Variants in CNGB1 observed in about 807,000 individuals in gnomAD.
CNGB1 encodes cyclic nucleotide-gated channel beta-1.
CNGB1 carries 126 observed loss-of-function variants against 151.7 expected under a neutral mutation model. The observed-to-expected ratio is 0.83, with a 90% CI of 0.72 to 0.96. The LOEUF (loss-of-function observed/expected upper bound fraction) is 0.96, where lower values mean the gene tolerates loss of function less well. Among genes scored for constraint, CNGB1 ranks in the 40% least tolerant of loss-of-function variants. The pLI is 0.00. For missense variants in CNGB1, 1,698 were observed against 1,627.0 expected (o/e 1.04, Z -0.75); for synonymous variants, 623 against 635.1 (o/e 0.98, Z 0.29).
chr16:57,956,319 C>A (rs976365741), intron 12 of CNGB1, among the ~76,000 whole-genome samples: 1 of 152,170 alleles, frequency 6.6e-6, no homozygotes, highest in Non-Finnish European at 1.5e-5. Context: ...CCCAGGTTGG[C>A]CACGAGCTTC....
intron 12 of CNGB1, among the ~76,000 whole-genome samples, chr16:57,956,668 C>T (rs1962094816): frequency 6.6e-6 from 1 of 152,208 alleles, no homozygotes; most frequent in Non-Finnish European, 1.5e-5. Flanking sequence ...GAACTCTGCT[C>T]ACAACTAGAA....
chr16:57,942,875 A>C (rs913221115), intron 14 of CNGB1, among the ~76,000 whole-genome samples: 13 of 151,936 alleles, frequency 8.6e-5, no homozygotes, highest in Non-Finnish European at 1.8e-4. Flanking sequence ...AAAAAAAAAA[A>C]AACCCTACCC....
intron 17 of CNGB1, among the ~76,000 whole-genome samples, chr16:57,925,642 T>A (rs1042763280): frequency 3.3e-5 from 5 of 152,044 alleles, no homozygotes; most frequent in Admixed American, 2.0e-4. Context: ...GGAGCTGACT[T>A]CCAGAAAATA....
At chr16:57,946,826 C>T (rs1353271308) in intron 14 of CNGB1, among the ~76,000 whole-genome samples, 2 of 152,208 alleles carry the variant, frequency 1.3e-5, no homozygotes, top group Non-Finnish European at 2.9e-5. Context: ...CTCTGTCACT[C>T]CCTTGTCCCT....
chr16:57,903,984 G>C lies in CNGB1; in HGVS notation c.2635-3C>G, dbSNP rs1227967546. 4 of 1,613,088 alleles carry C rather than the reference G, an allele frequency of 2.5e-6. No homozygotes were observed. The highest frequency in any genetic ancestry group is 3.4e-6 in the Non-Finnish European group (4 of 1,179,534). On this transcript the variant is annotated splice_polypyrimidine_tract_variant and splice_region_variant and intron_variant, in intron 26 of 32. Coordinates refer to ENST00000251102, the MANE Select transcript of CNGB1 (RefSeq NM_001297.5). ...GCGGCCCCTACCACATCTCTCATCT[G>C]GGGGAAGGGTTATGGGAGGTCAAGG...
chr16:57,964,565 C>A (rs764428768), intron 2 of CNGB1, 21 bp from the exon 3 acceptor site: 2 of 1,612,224 alleles, frequency 1.2e-6, no homozygotes, highest in Non-Finnish European at 8.5e-7. Flanking sequence ...CGAACAGGAT[C>A]ATGTAAGTCC....
At chr16:57,891,494 C>T (rs773685883) in intron 31 of CNGB1, among the ~76,000 whole-genome samples, 9 of 152,150 alleles carry the variant, frequency 5.9e-5, no homozygotes, top group East Asian at 3.9e-4. Context: ...TGAAAGAGCA[C>T]GACCCTGTCT....
intron 1 of CNGB1, among the ~76,000 whole-genome samples, chr16:57,967,814 G>A (rs11645750): frequency 0.58 from 88,041 of 151,790 alleles, 26,402 homozygotes; most frequent in Non-Finnish European, 0.67. Flanking sequence ...TATATCTCTA[G>A]GTATTTACCT....
In CNGB1 at chr16:57,949,356, G is replaced by A. The variant is rs1381290724; in HGVS notation, c.1118C>T (p.Thr373Ile). Residue 373 changes from threonine (T) to isoleucine (I), a missense_variant, in exon 14 of 33, where the codon ACT becomes ATT. Thr to Ile is a moderately conservative substitution (Grantham distance 89, BLOSUM62 -1). Coordinates refer to ENST00000251102, the MANE Select transcript of CNGB1 (RefSeq NM_001297.5). ...EEEEEEEEEV[T>I]EVLLDSCVVS... ...GACAGGTGAGCAAATGACTTACTCA[G>A]TCACCTCCTCCTCTTCCTCCTCCTC... 1 of 1,610,276 alleles carries A rather than the reference G, an allele frequency of 6.2e-7. No homozygotes were observed. Among genetic ancestry groups the A allele is most frequent in the Admixed American group, 1.7e-5 (1 of 59,988 alleles).
intron 31 of CNGB1, among the ~76,000 whole-genome samples, chr16:57,889,205 G>A (rs1424828957): frequency 6.6e-6 from 1 of 152,142 alleles, no homozygotes; most frequent in Non-Finnish European, 1.5e-5. Context: ...GTCTCCCTAT[G>A]TTGCTCAGGC....
At chr16:57,903,601 C>A (rs1406607310) in intron 27 of CNGB1, among the ~76,000 whole-genome samples, 1 of 152,158 alleles carries the variant, frequency 6.6e-6, no homozygotes, top group African/African-American at 2.4e-5. Flanking sequence ...GAAGACAAGC[C>A]CCCCGTCTCC....
chr16:57,945,049 G>A (rs1199908631), intron 14 of CNGB1, among the ~76,000 whole-genome samples: 2 of 150,802 alleles, frequency 1.3e-5, no homozygotes, highest in Non-Finnish European at 2.9e-5. Flanking sequence ...AACCCTGACA[G>A]ATCGTAACTG....
At chr16:57,942,937 T>C (rs1402047800) in intron 14 of CNGB1, among the ~76,000 whole-genome samples, 2 of 150,684 alleles carry the variant, frequency 1.3e-5, no homozygotes, top group Non-Finnish European at 2.9e-5. Context: ...AAAACCAATA[T>C]ATAAAATATA....
At chr16:57,908,738 C>T (rs1181764096) in intron 25 of CNGB1, among the ~76,000 whole-genome samples, 1 of 152,172 alleles carries the variant, frequency 6.6e-6, no homozygotes, top group Non-Finnish European at 1.5e-5. Context: ...CTCTGCAGGC[C>T]CAGCCCCCAT....
chr16:57,945,013 G>A (rs1440746646), intron 14 of CNGB1, among the ~76,000 whole-genome samples: 3 of 149,568 alleles, frequency 2.0e-5, no homozygotes, highest in Admixed American at 6.7e-5. Flanking sequence ...AAAGAGCCTA[G>A]GGAAAAAAAA....
At chr16:57,934,525 C>T (rs561132467) in intron 16 of CNGB1, among the ~76,000 whole-genome samples, 13 of 152,364 alleles carry the variant, frequency 8.5e-5, no homozygotes, top group African/African-American at 3.1e-4. Context: ...TCATCATGTA[C>T]TCTAGCACAG....
rs1962297747 is a variant in CNGB1, at chr16:57,962,963, C to T, written c.381+11G>A. On this transcript the variant is annotated intron_variant, in intron 5 of 32. Transcript: ENST00000251102. Reference sequence around the variant, plus strand: ...CAACCCGGCCCCTTCAGCCTCCAGCCCCAGCAGTACCTGAGCCGGGTCCTC... The same window carrying T: ...CAACCCGGCCCCTTCAGCCTCCAGCTCCAGCAGTACCTGAGCCGGGTCCTC... 2 of 1,613,020 alleles carry T rather than the reference C, an allele frequency of 1.2e-6. No homozygotes were observed. Among genetic ancestry groups the T allele is most frequent in the Middle Eastern group, 1.6e-4 (1 of 6,084 alleles).
rs1435467486 is a variant in CNGB1 at position 57,883,867 on chromosome 16, C to T, written c.*297G>A. The T allele has an allele frequency of 9.4e-6, 5 of 534,522 alleles. No individual in the cohort carries two copies. The African/African-American group carries it at 9.5e-5, about 10-fold the overall frequency. 33.1% of individuals were successfully genotyped at this position (534,522 alleles called of 1,614,324 possible). On this transcript the variant is annotated 3_prime_UTR_variant, in exon 33 of 33. Transcript: ENST00000251102. ...CCCATGAACTTTAAAAGTGGAAAAT[C>T]ATTTTGTTCTTAAAAAGAGGAACAG...
chr16:57,913,033 A>T (rs8044629), intron 23 of CNGB1, 39 bp from the exon 24 acceptor site: 76,155 of 1,605,732 alleles, frequency 0.047, 9,306 homozygotes, highest in African/African-American at 0.47. Flanking sequence ...CCCACCGGCC[A>T]TAGGTAGCAT....
Sources: gnomAD v4.1 joint callset for allele counts (sites outside exome capture counted in the v4.1 genomes callset) on GRCh38, gnomAD v4.1.1 for gene constraint, MANE v1.5 for transcripts, NCBI Gene and HGNC (gene_info 2026-07-23, HGNC 2026-07-21) for gene names.